The following CSMD1 variants were observed in gnomAD, a reference collection of about 807,000 sequenced individuals.
The protein encoded by CSMD1 is CUB and sushi domain-containing protein 1.
A neutral mutation model predicts 417.5 loss-of-function variants in CSMD1; 213 were observed. The observed-to-expected ratio is 0.51, with a 90% confidence interval of 0.46 to 0.57. CSMD1 has a LOEUF of 0.57. CSMD1 is among the 20% of genes least tolerant of loss of function. The pLI is 0.00. For synonymous variants in CSMD1, 2,862 were observed against 1,736.8 expected (o/e 1.65, Z -16.11); for missense variants, 6,923 against 4,529.7 (o/e 1.53, Z -15.17).
intron 5 of CSMD1, among the ~76,000 whole-genome samples, chr8:3,955,724 A>C (rs577521583): frequency 2.7e-5 from 4 of 146,170 alleles, no homozygotes; most frequent in African/African-American, 9.8e-5. Context: ...TTCTTCGAGA[A>C]CTGCCTCAAG....
intron 1 of CSMD1, among the ~76,000 whole-genome samples, chr8:4,667,576 T>C (rs1805020930): frequency 6.6e-6 from 1 of 152,212 alleles, no homozygotes; most frequent in Admixed American, 6.5e-5. Flanking sequence ...GATTTTTATA[T>C]ATTTTCTTGG....
At chr8:4,186,157 A>C (rs1292138457) in intron 3 of CSMD1, among the ~76,000 whole-genome samples, 1 of 152,174 alleles carries the variant, frequency 6.6e-6, no homozygotes, top group Non-Finnish European at 1.5e-5. Context: ...ACTGGAGCAT[A>C]TGAGAAGCAG....
intron 3 of CSMD1, among the ~76,000 whole-genome samples, chr8:4,339,280 C>G (rs1057504424): frequency 6.6e-6 from 1 of 152,110 alleles, no homozygotes; most frequent in Non-Finnish European, 1.5e-5. Context: ...AAGTTGATAA[C>G]TACTTCAAAC....
At chr8:4,302,880 GC>G (rs1798053377) in intron 3 of CSMD1, among the ~76,000 whole-genome samples, 1 of 151,980 alleles carries the variant, frequency 6.6e-6, no homozygotes, top group African/African-American at 2.4e-5. Context: ...TTAAATGTTG[GC>G]CTCCATGCTG....
rs1799179619 is a variant in CSMD1, at chr8:4,577,192, TTCTTTTGAATG to T, written c.302+60139_302+60149del. 2.0e-5 allele frequency among the ~76,000 whole-genome samples: 3 copies of T among 152,306 alleles called. No individual in the cohort carries two copies. The East Asian group carries it at 5.8e-4, about 29-fold the overall frequency. ...TTAATACATTTATTGAAGCGAGATTTTCTTTTGAATGTATCAAAATCAAATATAGAATGTAA... is the reference window on the plus strand; with the variant it reads ...TTAATACATTTATTGAAGCGAGATTTTATCAAAATCAAATATAGAATGTAA... On this transcript the variant is annotated intron_variant, in intron 2 of 69. Coordinates refer to ENST00000635120, the MANE Select transcript of CSMD1 (RefSeq NM_033225.6).
chr8:3,838,213 G>A lies in CSMD1; in HGVS notation c.819-84171C>T, dbSNP rs1180709501. 2.0e-5 allele frequency among the ~76,000 whole-genome samples: 3 copies of A among 152,094 alleles called. No individual in the cohort carries two copies. In the East Asian group the frequency reaches 5.8e-4, roughly 29 times the overall value. On this transcript the variant is annotated intron_variant, in intron 5 of 69. Transcript: ENST00000635120. ...TGCCTTCCTATGGATAGATAACTAT[G>A]ACAGAAATATATAGTACAACCTGCA...
chr8:4,191,202 C>T (rs1448648902), intron 3 of CSMD1, among the ~76,000 whole-genome samples: 1 of 152,058 alleles, frequency 6.6e-6, no homozygotes, highest in East Asian at 1.9e-4. Flanking sequence ...TGAGACCATC[C>T]CGGCTAACAT....
intron 3 of CSMD1, among the ~76,000 whole-genome samples, chr8:4,388,807 G>C (rs913290868): frequency 6.6e-6 from 1 of 152,132 alleles, no homozygotes; most frequent in Non-Finnish European, 1.5e-5. Flanking sequence ...AGTACCTCTG[G>C]ACCCAGCACT....
chr8:3,784,198 T>G (rs568779415), intron 5 of CSMD1, among the ~76,000 whole-genome samples: 4 of 152,146 alleles, frequency 2.6e-5, no homozygotes, highest in Admixed American at 6.6e-5. Flanking sequence ...GGGAAAGGGG[T>G]GGGTACCCAA....
intron 2 of CSMD1, 28 bp from the exon 3 acceptor site, chr8:4,420,093 G>T: frequency 6.8e-7 from 1 of 1,478,900 alleles, no homozygotes; most frequent in South Asian, 1.2e-5. Flanking sequence ...GACACAAAGA[G>T]AGTTAAAAGC....
At chr8:3,306,907 C>G (rs1804902144) in intron 25 of CSMD1, among the ~76,000 whole-genome samples, 1 of 151,806 alleles carries the variant, frequency 6.6e-6, no homozygotes, top group Non-Finnish European at 1.5e-5. Context: ...TAACTCAGAA[C>G]TCACTATTGG....
intron 11 of CSMD1, among the ~76,000 whole-genome samples, chr8:3,475,813 C>CAA (rs1407505143): frequency 6.6e-6 from 1 of 152,210 alleles, no homozygotes; most frequent in Non-Finnish European, 1.5e-5. Flanking sequence ...TCCTGCCTTA[C>CAA]AACTAGGGCA....
intron 25 of CSMD1, chr8:3,284,581 G>GCTCAGCTAGA (rs1256643487): frequency 9.0e-5 from 47 of 523,972 alleles, no homozygotes; most frequent in Non-Finnish European, 4.5e-5. Context: ...AGAGAGATAG[G>GCTCAGCTAGA]TGAGCTAGAT....
At chr8:4,122,744 G>C (rs1167444994) in intron 3 of CSMD1, among the ~76,000 whole-genome samples, 3 of 152,124 alleles carry the variant, frequency 2.0e-5, no homozygotes, top group African/African-American at 4.8e-5. Context: ...CACTTTCTGT[G>C]AAAGGGGAAG....
chr8:2,955,272 T>G (rs2128921968), intron 64 of CSMD1, among the ~76,000 whole-genome samples: 1 of 152,370 alleles, frequency 6.6e-6, no homozygotes, highest in Non-Finnish European at 1.5e-5. Flanking sequence ...AAGTATTATT[T>G]TCCTTTTAAC....
chr8:4,934,059 C>A (rs1203995926), intron 1 of CSMD1, among the ~76,000 whole-genome samples: 1 of 151,880 alleles, frequency 6.6e-6, no homozygotes, highest in East Asian at 1.9e-4. Flanking sequence ...AGCATGAATG[C>A]AAAGAAGGTC....
At chr8:4,109,425 G>C (rs935423135) in intron 3 of CSMD1, among the ~76,000 whole-genome samples, 2 of 152,134 alleles carry the variant, frequency 1.3e-5, no homozygotes, top group Admixed American at 6.6e-5. Context: ...CACGGTGAAA[G>C]TTTCATCTAT....
At chr8:3,185,573 A>G (rs767421570) in intron 36 of CSMD1, among the ~76,000 whole-genome samples, 109 of 152,252 alleles carry the variant, frequency 7.2e-4, no homozygotes, top group African/African-American at 2.6e-3. Flanking sequence ...TATTTCTAAT[A>G]TTAGGATATA....
intron 5 of CSMD1, among the ~76,000 whole-genome samples, chr8:3,965,145 A>T (rs186830603): frequency 6.6e-6 from 1 of 152,178 alleles, no homozygotes; most frequent in Non-Finnish European, 1.5e-5. Flanking sequence ...TTAATATTTT[A>T]ATAGTTTCTT....
Sources: allele counts gnomAD v4.1 joint callset (sites outside exome capture counted in the v4.1 genomes callset), GRCh38; gene constraint gnomAD v4.1.1; transcripts MANE v1.5; gene names NCBI Gene and HGNC (gene_info 2026-07-23, HGNC 2026-07-21).